Variants in KLHL32 observed in about 807,000 individuals in gnomAD.
KLHL32 encodes kelch like family member 32, also known as kelch-like protein 32.
KLHL32 carries 35 observed loss-of-function variants against 64.8 expected under a neutral mutation model. The observed-to-expected ratio is 0.54, with a 90% CI of 0.41 to 0.72. The LOEUF is 0.72. KLHL32 is among the 30% of genes least tolerant of loss of function. KLHL32 has a pLI of 0.00. For synonymous variants in KLHL32, 259 were observed against 281.0 expected (o/e 0.92, Z 0.78); for missense variants, 589 against 768.5 (o/e 0.77, Z 2.76).
chr6:97,087,774 A>G (rs780158813), intron 6 of KLHL32, among the ~76,000 whole-genome samples: 1 of 152,170 alleles, frequency 6.6e-6, no homozygotes, highest in Non-Finnish European at 1.5e-5. Flanking sequence ...TGAAAGGTCT[A>G]ATTTTCATTA....
intron 4 of KLHL32, among the ~76,000 whole-genome samples, chr6:97,057,174 T>TC (rs1788095812): frequency 1.1e-5 from 1 of 87,598 alleles, no homozygotes; most frequent in African/African-American, 6.7e-5. Flanking sequence ...GTGAGTATCT[T>TC]TTTTTTTTTT....
chr6:97,009,919 A>G (rs1382248600), intron 3 of KLHL32, among the ~76,000 whole-genome samples: 2 of 152,000 alleles, frequency 1.3e-5, no homozygotes, highest in African/African-American at 4.8e-5. Flanking sequence ...AAGCTTTGAT[A>G]CCAGCTCTGG....
At chr6:96,979,248 A>T (rs1306669858) in intron 3 of KLHL32, among the ~76,000 whole-genome samples, 1 of 152,110 alleles carries the variant, frequency 6.6e-6, no homozygotes, top group Admixed American at 6.6e-5. Flanking sequence ...TTCCTAGATT[A>T]TCTTCCAGGG....
chr6:96,943,018 T>C (rs1200800470), intron 1 of KLHL32, among the ~76,000 whole-genome samples: 1 of 147,076 alleles, frequency 6.8e-6, no homozygotes, highest in African/African-American at 2.5e-5. Flanking sequence ...AAATGAGATG[T>C]ATTGTTCATG....
chr6:97,127,302 C>A (rs899460401), intron 7 of KLHL32, 102 bp from the exon 8 acceptor site: 1 of 917,358 alleles, frequency 1.1e-6, no homozygotes, highest in Non-Finnish European at 1.8e-6. Context: ...ACAAACAGAT[C>A]CTCAGCAGTA....
intron 3 of KLHL32, among the ~76,000 whole-genome samples, chr6:96,998,577 T>C (rs1206115): frequency 0.09 from 13,763 of 152,294 alleles, 687 homozygotes; most frequent in Non-Finnish European, 0.12. Flanking sequence ...AGTTGTCTAA[T>C]TGGTGCATGA....
intron 10 of KLHL32, among the ~76,000 whole-genome samples, chr6:97,138,330 G>A (rs1357747782): frequency 1.3e-5 from 2 of 152,108 alleles, no homozygotes; most frequent in Non-Finnish European, 2.9e-5. Flanking sequence ...CTTGAGCCCA[G>A]GAGTTTGAGA....
At chr6:97,084,976 A>C (rs1793163034) in intron 5 of KLHL32, 150 bp from the exon 6 acceptor site, 1 of 643,046 alleles carries the variant, frequency 1.6e-6, no homozygotes, top group East Asian at 2.8e-5. Context: ...GAACTTTATA[A>C]TTGTGATTTC....
chr6:96,977,642 T>C (rs1775855250), intron 3 of KLHL32, among the ~76,000 whole-genome samples: 3 of 152,196 alleles, frequency 2.0e-5, no homozygotes, highest in Non-Finnish European at 4.4e-5. Context: ...GAGCAATTTG[T>C]TGATTGGTTT....
chr6:96,980,694 T>A (rs1050879419), intron 3 of KLHL32, among the ~76,000 whole-genome samples: 7 of 152,002 alleles, frequency 4.6e-5, no homozygotes, highest in South Asian at 2.1e-4. Context: ...TAGAGAAGAG[T>A]TTTTCTTCCT....
At chr6:96,991,007 A>G (rs1312636841) in intron 3 of KLHL32, among the ~76,000 whole-genome samples, 1 of 151,604 alleles carries the variant, frequency 6.6e-6, no homozygotes, top group African/African-American at 2.4e-5. Flanking sequence ...GGGAATGTTT[A>G]ATCGGGGCTT....
intron 3 of KLHL32, among the ~76,000 whole-genome samples, chr6:97,007,611 G>A (rs1450004781): frequency 6.6e-6 from 1 of 152,156 alleles, no homozygotes; most frequent in Non-Finnish European, 1.5e-5. Flanking sequence ...ATGTGTATGG[G>A]CTGATGTTTC....
chr6:96,932,671 A>G (rs914641787), intron 1 of KLHL32, among the ~76,000 whole-genome samples: 2 of 150,076 alleles, frequency 1.3e-5, no homozygotes, highest in Non-Finnish European at 3.0e-5. Context: ...GGCTCAAGCA[A>G]TCCTACCACC....
intron 5 of KLHL32, among the ~76,000 whole-genome samples, chr6:97,079,182 T>A (rs925085963): frequency 1.3e-5 from 2 of 152,210 alleles, no homozygotes; most frequent in African/African-American, 4.8e-5. Context: ...AAGTACTTCT[T>A]GTATGAACTT....
intron 5 of KLHL32, among the ~76,000 whole-genome samples, chr6:97,076,662 A>G (rs557656117): frequency 6.6e-6 from 1 of 152,296 alleles, no homozygotes; most frequent in African/African-American, 2.4e-5. Context: ...TGTACTTATA[A>G]TATTTCTAAA....
At chr6:97,095,965 A>T (rs1352867289) in intron 6 of KLHL32, among the ~76,000 whole-genome samples, 2 of 152,162 alleles carry the variant, frequency 1.3e-5, no homozygotes, top group African/African-American at 4.8e-5. Flanking sequence ...GAACGACATG[A>T]ATTTTGTACA....
At chr6:96,908,844 C>G in the KLHL32 span, among the ~76,000 whole-genome samples, 14 of 151,992 alleles carry the variant, frequency 9.2e-5, no homozygotes, top group Admixed American at 8.5e-4. Context: ...CCAGCCAGCT[C>G]TCCCAGGATG....
At chr6:96,995,201 A>G (rs892411254) in intron 3 of KLHL32, among the ~76,000 whole-genome samples, 2 of 152,134 alleles carry the variant, frequency 1.3e-5, no homozygotes, top group Non-Finnish European at 2.9e-5. Context: ...GAGCTGTTTC[A>G]CTTCTTGGAC....
At chr6:96,946,949 C>T (rs544138513) in intron 1 of KLHL32, among the ~76,000 whole-genome samples, 1 of 152,046 alleles carries the variant, frequency 6.6e-6, no homozygotes, top group South Asian at 2.1e-4. Flanking sequence ...TACTTATTAA[C>T]AGTGGGCACA....
Sources: allele counts gnomAD v4.1 joint callset (sites outside exome capture counted in the v4.1 genomes callset), GRCh38; gene constraint gnomAD v4.1.1; transcripts MANE v1.5; gene names NCBI Gene and HGNC (gene_info 2026-07-23, HGNC 2026-07-21).